RBFOX1: variants seen among roughly 807,000 people sequenced by gnomAD.
RBFOX1 encodes the protein RNA binding protein fox-1 homolog 1.
Under a neutral mutation model 57.7 loss-of-function variants are expected in RBFOX1, and 8 were observed. The observed-to-expected ratio is 0.14, with a 90% confidence interval of 0.08 to 0.25. RBFOX1 has a LOEUF of 0.25. RBFOX1 is among the 10% of genes least tolerant of loss of function. The probability of loss-of-function intolerance (pLI) is 1.00; values close to 1 mark genes in which losing one functional copy is unlikely to be tolerated. For synonymous variants in RBFOX1, 326 were observed against 222.4 expected (o/e 1.47, Z -4.15); for missense variants, 611 against 548.5 (o/e 1.11, Z -1.14).
intron 4 of RBFOX1, among the ~76,000 whole-genome samples, chr16:5,897,225 C>T (rs935084201): frequency 6.7e-5 from 10 of 149,744 alleles, no homozygotes; most frequent in Non-Finnish European, 1.3e-4. Flanking sequence ...TTAGTAGAGA[C>T]GGGGTTTCAC....
intron 2 of RBFOX1, among the ~76,000 whole-genome samples, chr16:5,496,983 T>C (rs1567163037): frequency 1.3e-5 from 2 of 152,242 alleles, no homozygotes; most frequent in African/African-American, 4.8e-5. Flanking sequence ...GGCATAACTT[T>C]TAGTGTTAAA....
intron 1 of RBFOX1, among the ~76,000 whole-genome samples, chr16:6,296,281 T>C (rs1400300541): frequency 1.3e-5 from 2 of 152,180 alleles, no homozygotes. Flanking sequence ...AACATTTGGC[T>C]CCGGAAGCAG....
chr16:7,107,085 T>G (rs543345283), intron 4 of RBFOX1, among the ~76,000 whole-genome samples: 59 of 152,108 alleles, frequency 3.9e-4, no homozygotes, highest in African/African-American at 1.1e-3. Flanking sequence ...GAACTGATAT[T>G]TAAGCCTGTT....
intron 2 of RBFOX1, among the ~76,000 whole-genome samples, chr16:5,492,911 G>T (rs766671623): frequency 6.6e-6 from 1 of 152,180 alleles, no homozygotes; most frequent in East Asian, 1.9e-4. Flanking sequence ...CTTCGTATTC[G>T]TTGTGGAATC....
At chr16:7,103,446 C>G (rs2063043323) in intron 4 of RBFOX1, among the ~76,000 whole-genome samples, 1 of 152,170 alleles carries the variant, frequency 6.6e-6, no homozygotes, top group Admixed American at 6.5e-5. Context: ...AGGCCACCTT[C>G]AGTCCTGCTG....
chr16:5,442,907 C>T (rs181037175), intron 1 of RBFOX1, among the ~76,000 whole-genome samples: 2 of 152,198 alleles, frequency 1.3e-5, no homozygotes, highest in East Asian at 3.9e-4. Context: ...TTAAGATGGA[C>T]CTGAAATCCA....
At chr16:6,190,662 A>C (rs1474548154) in intron 1 of RBFOX1, among the ~76,000 whole-genome samples, 1 of 152,172 alleles carries the variant, frequency 6.6e-6, no homozygotes, top group Non-Finnish European at 1.5e-5. Context: ...ACACACAGCC[A>C]CCAATTTCCC....
chr16:6,532,627 T>A (rs1183726136), intron 2 of RBFOX1, among the ~76,000 whole-genome samples: 1 of 152,130 alleles, frequency 6.6e-6, no homozygotes, highest in African/African-American at 2.4e-5. Flanking sequence ...TTCCTGGTGA[T>A]CGTCTCTTCT....
At chr16:6,486,496 T>C (rs937280694) in intron 2 of RBFOX1, among the ~76,000 whole-genome samples, 6 of 152,104 alleles carry the variant, frequency 3.9e-5, no homozygotes, top group African/African-American at 1.4e-4. Context: ...AAACTTCACG[T>C]GTCTTAGTCT....
chr16:5,988,579 C>T (rs2060327204), intron 4 of RBFOX1, among the ~76,000 whole-genome samples: 1 of 152,162 alleles, frequency 6.6e-6, no homozygotes, highest in African/African-American at 2.4e-5. Flanking sequence ...TGCTTGGCGG[C>T]ATGAGCCTCC....
At chr16:6,657,552 C>G (rs895848466) in intron 3 of RBFOX1, among the ~76,000 whole-genome samples, 6 of 152,120 alleles carry the variant, frequency 3.9e-5, no homozygotes, top group Admixed American at 2.0e-4. Flanking sequence ...TCTGGTGCCT[C>G]TGCCACACTG....
intron 4 of RBFOX1, among the ~76,000 whole-genome samples, chr16:7,292,307 ATG>A (rs2095802835): frequency 7.8e-6 from 1 of 128,460 alleles, no homozygotes; most frequent in African/African-American, 2.9e-5. Context: ...TATATGATAT[ATG>A]ACGTATTATA....
rs904034523 is a variant in RBFOX1, at chr16:6,649,901, C to G, written c.-63-4702C>G. ...TCCAATATACCACACTTTCTTTTAT[C>G]TACTTGTGGATTGGTGGGCCTTTGG... On this transcript the variant is annotated intron_variant, in intron 2 of 15. Transcript: ENST00000550418. 3.3e-5 allele frequency among the ~76,000 whole-genome samples: 5 copies of G among 152,000 alleles called. No individual in the cohort carries two copies. In the East Asian group the frequency reaches 7.7e-4, roughly 23 times the overall value.
At chr16:6,873,142 A>T (rs1208174384) in intron 3 of RBFOX1, among the ~76,000 whole-genome samples, 1 of 152,100 alleles carries the variant, frequency 6.6e-6, no homozygotes, top group Non-Finnish European at 1.5e-5. Context: ...AAAAAAAAAA[A>T]AAAGCTCTAT....
chr16:7,612,692 A>C (rs2057747200), intron 10 of RBFOX1, among the ~76,000 whole-genome samples: 1 of 152,130 alleles, frequency 6.6e-6, no homozygotes, highest in South Asian at 2.1e-4. Flanking sequence ...GATTTACGGC[A>C]CCTTTAATCT....
At chr16:7,668,555 A>T (rs1275683304) in intron 13 of RBFOX1, among the ~76,000 whole-genome samples, 1 of 152,130 alleles carries the variant, frequency 6.6e-6, no homozygotes, top group African/African-American at 2.4e-5. Flanking sequence ...GGAGAGGTGC[A>T]GGCACAGTGT....
chr16:5,971,908 C>A (rs551043390), intron 4 of RBFOX1, among the ~76,000 whole-genome samples: 1 of 152,162 alleles, frequency 6.6e-6, no homozygotes, highest in Non-Finnish European at 1.5e-5. Context: ...GTGGGTGGGC[C>A]TCATCCAGTC....
intron 3 of RBFOX1, among the ~76,000 whole-genome samples, chr16:5,717,791 C>T (rs1208055707): frequency 1.3e-5 from 2 of 152,158 alleles, no homozygotes; most frequent in East Asian, 3.9e-4. Flanking sequence ...ATTCGGAGGG[C>T]CTCCCATGAT....
intron 3 of RBFOX1, among the ~76,000 whole-genome samples, chr16:5,823,143 C>A (rs1230813172): frequency 6.6e-6 from 1 of 152,140 alleles, no homozygotes; most frequent in Non-Finnish European, 1.5e-5. Context: ...CCCTGAGGAT[C>A]CTGGAGGACT....
Sources: allele counts gnomAD v4.1 joint callset (sites outside exome capture counted in the v4.1 genomes callset), GRCh38; gene constraint gnomAD v4.1.1; transcripts MANE v1.5; gene names NCBI Gene and HGNC (gene_info 2026-07-23, HGNC 2026-07-21).